The following CHRM3 variants were observed in gnomAD, a reference collection of about 807,000 sequenced individuals.
CHRM3 encodes the protein muscarinic acetylcholine receptor M3.
A neutral mutation model predicts 41.8 loss-of-function variants in CHRM3; 11 were observed. The observed-to-expected ratio is 0.26, with a 90% CI of 0.17 to 0.44. The LOEUF (loss-of-function observed/expected upper bound fraction) is 0.44. CHRM3 is among the 20% of genes least tolerant of loss of function. CHRM3 has a pLI of 1.00. For synonymous variants in CHRM3, 297 were observed against 301.4 expected (o/e 0.99, Z 0.15); for missense variants, 571 against 745.4 (o/e 0.77, Z 2.72).
intron 1 of CHRM3, among the ~76,000 whole-genome samples, chr1:239,425,472 G>A (rs142701830): frequency 3.4e-3 from 520 of 151,728 alleles, no homozygotes; most frequent in Non-Finnish European, 5.3e-3. Context: ...CCCTTCACTG[G>A]TCTTCCCAGT....
intron 6 of CHRM3, among the ~76,000 whole-genome samples, chr1:239,899,281 G>GTGTA (rs1239437180): frequency 7.6e-6 from 1 of 131,748 alleles, no homozygotes; most frequent in Non-Finnish European, 1.5e-5. Flanking sequence ...AACTCAGTGT[G>GTGTA]TGTGTGTGTG....
intron 1 of CHRM3, among the ~76,000 whole-genome samples, chr1:239,411,720 C>CAAAAAAAAA (rs1161775399): frequency 1.3e-4 from 6 of 46,736 alleles, no homozygotes; most frequent in Non-Finnish European, 2.2e-4. Flanking sequence ...GCCTCTGTCT[C>CAAAAAAAAA]AAAAAAAAAA....
intron 1 of CHRM3, among the ~76,000 whole-genome samples, chr1:239,436,646 C>G (rs909230552): frequency 1.3e-5 from 2 of 152,068 alleles, no homozygotes; most frequent in Non-Finnish European, 2.9e-5. Flanking sequence ...GAATTTTTCT[C>G]ACATTCATTA....
chr1:239,448,638 T>A (rs980401015), intron 1 of CHRM3, among the ~76,000 whole-genome samples: 1 of 152,186 alleles, frequency 6.6e-6, no homozygotes, highest in Non-Finnish European at 1.5e-5. Flanking sequence ...AATAGTTTCT[T>A]ATAAACATTT....
At chr1:239,499,399 A>C (rs925826577) in intron 2 of CHRM3, among the ~76,000 whole-genome samples, 28 of 152,196 alleles carry the variant, frequency 1.8e-4, no homozygotes, top group Non-Finnish European at 5.9e-5. Context: ...TTCAGTAAGC[A>C]CATATTGAAC....
At chr1:239,755,802 T>G (rs765415018) in intron 5 of CHRM3, among the ~76,000 whole-genome samples, 1 of 152,172 alleles carries the variant, frequency 6.6e-6, no homozygotes, top group Non-Finnish European at 1.5e-5. Context: ...TTTTACAAGC[T>G]TCCTCTCAAA....
chr1:239,647,529 T>C, intron 4 of CHRM3, among the ~76,000 whole-genome samples: 1 of 152,206 alleles, frequency 6.6e-6, no homozygotes, highest in East Asian at 1.9e-4. Flanking sequence ...ATGATTTCCT[T>C]CCTTGCCCAC....
chr1:239,730,437 TGGGAATACAGAGGCAG>T (rs1663860336), intron 5 of CHRM3: 1 of 151,990 alleles, frequency 6.6e-6, no homozygotes, highest in Non-Finnish European at 1.5e-5. Context: ...TAGCAGGCTA[TGGGAATACAGAGGCAG>T]GGTTTCTAAC....
chr1:239,842,648 G>A (rs1673912628), intron 6 of CHRM3, among the ~76,000 whole-genome samples: 1 of 152,052 alleles, frequency 6.6e-6, no homozygotes, highest in Admixed American at 6.6e-5. Flanking sequence ...CCCAAATTCT[G>A]ATCACTTGAT....
At chr1:239,889,490 G>C (rs1232695633) in intron 6 of CHRM3, among the ~76,000 whole-genome samples, 1 of 152,084 alleles carries the variant, frequency 6.6e-6, no homozygotes, top group Non-Finnish European at 1.5e-5. Flanking sequence ...GCGTTCCCCT[G>C]TACAAGCTTC....
At chr1:239,567,767 T>A (rs1014002669) in intron 3 of CHRM3, among the ~76,000 whole-genome samples, 2 of 152,178 alleles carry the variant, frequency 1.3e-5, no homozygotes, top group Non-Finnish European at 2.9e-5. Context: ...TCCAGGATGC[T>A]GCCTTTCCCC....
At chr1:239,784,643 T>C (rs1668753821) in intron 5 of CHRM3, among the ~76,000 whole-genome samples, 1 of 152,242 alleles carries the variant, frequency 6.6e-6, no homozygotes, top group South Asian at 2.1e-4. Flanking sequence ...AAATGTTATA[T>C]GTTAGATTAC....
At chr1:239,505,209 T>C (rs1668488530) in intron 2 of CHRM3, among the ~76,000 whole-genome samples, 1 of 152,146 alleles carries the variant, frequency 6.6e-6, no homozygotes, top group Non-Finnish European at 1.5e-5. Flanking sequence ...CTGAGTGGAA[T>C]TAAGGTGTAG....
At chr1:239,654,294 G>T (rs74992238) in intron 4 of CHRM3, among the ~76,000 whole-genome samples, 7,073 of 152,266 alleles carry the variant, frequency 0.046, 190 homozygotes, top group Middle Eastern at 0.11. Flanking sequence ...AAACTCAGTT[G>T]CACAGGATTG....
At chr1:239,605,892 T>G (rs1380034886) in intron 3 of CHRM3, 1 of 152,198 alleles carries the variant, frequency 6.6e-6, no homozygotes, top group East Asian at 1.9e-4. Flanking sequence ...AAAGTCACTT[T>G]AGGTTCAGTT....
chr1:239,759,198 G>GTTTTTTTTTTTTTTT (rs1558518708), intron 5 of CHRM3, among the ~76,000 whole-genome samples: 5 of 84,402 alleles, frequency 5.9e-5, no homozygotes, highest in African/African-American at 2.3e-4. Context: ...TTTTTTTTTA[G>GTTTTTTTTTTTTTTT]AGAGAGGCTT....
chr1:239,546,978 TAAC>T (rs1183243727), intron 3 of CHRM3, among the ~76,000 whole-genome samples: 1 of 152,182 alleles, frequency 6.6e-6, no homozygotes, highest in Non-Finnish European at 1.5e-5. Context: ...AATGTAATCT[TAAC>T]AAATACATTC....
chr1:239,565,107 C>A (rs1661229295), intron 3 of CHRM3, among the ~76,000 whole-genome samples: 1 of 152,138 alleles, frequency 6.6e-6, no homozygotes, highest in African/African-American at 2.4e-5. Flanking sequence ...GTCAGATCTC[C>A]CTCTTATGAG....
At chr1:239,429,218 A>G (rs770551245) in intron 1 of CHRM3, among the ~76,000 whole-genome samples, 25 of 152,192 alleles carry the variant, frequency 1.6e-4, no homozygotes, top group Non-Finnish European at 3.1e-4. Flanking sequence ...TGCATGTCTA[A>G]CAACTCTTTT....
Sources: allele counts gnomAD v4.1 joint callset (sites outside exome capture counted in the v4.1 genomes callset), GRCh38; gene constraint gnomAD v4.1.1; transcripts MANE v1.5; gene names NCBI Gene and HGNC (gene_info 2026-07-23, HGNC 2026-07-21).